FRMPD4: variants seen among roughly 807,000 people sequenced by gnomAD.
FRMPD4 encodes the protein FERM and PDZ domain-containing protein 4.
Under a neutral mutation model 94.1 loss-of-function variants are expected in FRMPD4, and 22 were observed. The ratio of observed to expected loss-of-function variants is 0.23; its 90% CI spans 0.17 to 0.33. The LOEUF (loss-of-function observed/expected upper bound fraction) is 0.33. Ranked by LOEUF, FRMPD4 falls within the 10% of genes least tolerant of loss-of-function variation. The pLI is 1.00. For synonymous variants in FRMPD4, 631 were observed against 548.6 expected (o/e 1.15, Z -2.10); for missense variants, 1,111 against 1,339.9 (o/e 0.83, Z 2.67).
At chrX:12,402,323 C>T (rs1312407522) in intron 1 of FRMPD4, among the ~76,000 whole-genome samples, 1 of 111,338 alleles carries the variant, frequency 9.0e-6, no homozygotes, top group Non-Finnish European at 1.9e-5. Flanking sequence ...CTAGACCTGA[C>T]TAATAAGATT....
chrX:12,700,146 G>A (rs751159536), intron 9 of FRMPD4, among the ~76,000 whole-genome samples: 1 of 111,658 alleles, frequency 9.0e-6, no homozygotes, highest in African/African-American at 3.3e-5. Flanking sequence ...TTGGGGAAGA[G>A]GGATTCTAGT....
At chrX:12,241,133 C>G (rs918191948) in intron 1 of FRMPD4, among the ~76,000 whole-genome samples, 2 of 112,344 alleles carry the variant, frequency 1.8e-5, no homozygotes, top group Non-Finnish European at 3.8e-5. Flanking sequence ...TTTTTAAAAG[C>G]TGGCAACAAT....
intron 3 of FRMPD4, among the ~76,000 whole-genome samples, chrX:11,957,247 C>A (rs1469052873): frequency 8.9e-6 from 1 of 111,748 alleles, no homozygotes; most frequent in African/African-American, 3.3e-5. Flanking sequence ...AACAAAATGT[C>A]ACAACCATTT....
At chrX:11,930,107 C>CAAAAAAGAAAA (rs2054113651) in intron 3 of FRMPD4, among the ~76,000 whole-genome samples, 1 of 13,256 alleles carries the variant, frequency 7.5e-5, no homozygotes, top group Non-Finnish European at 1.3e-4. Context: ...GACTCTGTCT[C>CAAAAAAGAAAA]AAAAAAAAAA....
In FRMPD4 at chrX:12,683,565, T is replaced by C; in HGVS notation, c.551T>C (p.Val184Ala). Residue 184 changes from valine to alanine, a missense_variant, in exon 6 of 17, where the codon GTC (valine) becomes GCC (alanine). Transcript: ENST00000675598. ...NPVKVRFSEE[V>A]IINGQVSETV... is the part of the protein sequence containing the mutation. ...GTCAAAGTACGCTTCTCTGAGGAGG[T>C]CATCATCAACGGCCAAGTGTCGGTG... 1.7e-6 allele frequency: 2 copies of C among 1,162,048 alleles called. No homozygotes were observed. Among genetic ancestry groups the C allele is most frequent in the Non-Finnish European group, 2.3e-6 (2 of 852,008 alleles).
At chrX:12,264,922 C>G (rs1005049239) in intron 1 of FRMPD4, among the ~76,000 whole-genome samples, 2 of 111,964 alleles carry the variant, frequency 1.8e-5, no homozygotes, top group Non-Finnish European at 3.8e-5. Context: ...CCTAAGTAGG[C>G]TCAGGGTTAA....
chrX:12,717,342 C>A (rs950293495), intron 15 of FRMPD4, among the ~76,000 whole-genome samples, 159 bp from the exon 16 acceptor site: 2 of 110,372 alleles, frequency 1.8e-5, no homozygotes, highest in Admixed American at 1.9e-4. Context: ...CATCTCCCCC[C>A]ACCCCCATTT....
chrX:12,164,703 G>C (rs1033753718), intron 1 of FRMPD4, among the ~76,000 whole-genome samples: 5 of 112,138 alleles, frequency 4.5e-5, no homozygotes, highest in African/African-American at 1.6e-4. Context: ...ATCCTCTCCA[G>C]CACCTGTTGT....
intron 3 of FRMPD4, among the ~76,000 whole-genome samples, chrX:12,050,654 T>C (rs1013872488): frequency 8.1e-5 from 9 of 111,393 alleles, no homozygotes; most frequent in Non-Finnish European, 1.7e-4. Context: ...CCCTATTAGT[T>C]GTTTCTAATT....
At chrX:12,147,544 A>G (rs2055786040) in intron 1 of FRMPD4, among the ~76,000 whole-genome samples, 1 of 112,000 alleles carries the variant, frequency 8.9e-6, no homozygotes, top group African/African-American at 3.2e-5. Flanking sequence ...TTGTTGTGGC[A>G]ATGGCTGACT....
intron 2 of FRMPD4, among the ~76,000 whole-genome samples, chrX:12,604,691 T>C (rs979297032): frequency 2.7e-5 from 3 of 112,169 alleles, no homozygotes; most frequent in Non-Finnish European, 5.6e-5. Flanking sequence ...AGTTCAAGGG[T>C]ACATGTGTAG....
At chrX:12,329,872 AAAC>A (rs1213752023) in intron 1 of FRMPD4, among the ~76,000 whole-genome samples, 9 of 108,747 alleles carry the variant, frequency 8.3e-5, no homozygotes, top group Non-Finnish European at 1.5e-4. Context: ...AAAAAAAAAA[AAAC>A]AACAACAACA....
intron 2 of FRMPD4, among the ~76,000 whole-genome samples, chrX:12,552,692 C>A (rs1328621136): frequency 1.8e-5 from 2 of 112,083 alleles, no homozygotes; most frequent in Middle Eastern, 4.7e-3. Flanking sequence ...TGCTCTATAA[C>A]TATGTAAAGT....
At chrX:11,923,988 G>C (rs1569126601) in intron 3 of FRMPD4, among the ~76,000 whole-genome samples, 1 of 111,988 alleles carries the variant, frequency 8.9e-6, no homozygotes, top group East Asian at 2.8e-4. Context: ...AAGATCATCA[G>C]CTATAGGAGT....
chrX:12,595,051 A>G (rs1050787011), intron 2 of FRMPD4, among the ~76,000 whole-genome samples: 3 of 112,033 alleles, frequency 2.7e-5, no homozygotes, highest in Non-Finnish European at 3.8e-5. Context: ...GGCTCAGTAA[A>G]TGTTAGCAGC....
chrX:12,075,351 TG>T (rs2055004818), intron 3 of FRMPD4, among the ~76,000 whole-genome samples: 1 of 106,947 alleles, frequency 9.4e-6, no homozygotes, highest in African/African-American at 3.4e-5. Context: ...TATGTGTGTG[TG>T]GGGGGTGGTA....
intron 2 of FRMPD4, among the ~76,000 whole-genome samples, chrX:12,526,886 G>A (rs1442048896): frequency 1.8e-5 from 2 of 111,942 alleles, no homozygotes; most frequent in African/African-American, 6.5e-5. Flanking sequence ...CACAGGTGGT[G>A]CTTGTTAAAT....
At chrX:12,614,177 A>G (rs894884065) in intron 3 of FRMPD4, 1 of 111,970 alleles carries the variant, frequency 8.9e-6, no homozygotes, top group African/African-American at 3.3e-5. Context: ...CAGATGACAC[A>G]GCCAGATCAC....
At chrX:12,419,932 C>G (rs2056860592) in intron 1 of FRMPD4, among the ~76,000 whole-genome samples, 1 of 111,418 alleles carries the variant, frequency 9.0e-6, no homozygotes, top group African/African-American at 3.3e-5. Context: ...TCACCTCCTC[C>G]CACACTCCAT....
Sources: gnomAD v4.1 joint callset for allele counts (sites outside exome capture counted in the v4.1 genomes callset) on GRCh38, gnomAD v4.1.1 for gene constraint, MANE v1.5 for transcripts, NCBI Gene and HGNC (gene_info 2026-07-23, HGNC 2026-07-21) for gene names.